Variants in CORIN observed in about 807,000 individuals in gnomAD.
CORIN encodes atrial natriuretic peptide-converting enzyme.
CORIN carries 117 observed loss-of-function variants against 125.3 expected under a neutral mutation model. The ratio of observed to expected loss-of-function variants is 0.93; its 90% CI spans 0.80 to 1.09. The LOEUF (loss-of-function observed/expected upper bound fraction) is 1.09, where lower values mean the gene tolerates loss of function less well. Among genes scored for constraint, CORIN ranks in the 50% least tolerant of loss-of-function variants. The probability of loss-of-function intolerance (pLI) is 0.00; values close to 1 mark genes in which losing one functional copy is unlikely to be tolerated. For synonymous variants in CORIN, 450 were observed against 466.4 expected (o/e 0.96, Z 0.45); for missense variants, 1,253 against 1,306.7 (o/e 0.96, Z 0.63).
At chr4:47,643,365 T>C (rs1560485889) in intron 14 of CORIN, 109 bp from the exon 15 acceptor site, 2 of 975,714 alleles carry the variant, frequency 2.0e-6, no homozygotes, top group East Asian at 2.6e-5. Flanking sequence ...GAAGAAAATA[T>C]GTGATCACTG....
At chr4:47,736,982 G>A (rs1011258539) in intron 5 of CORIN, among the ~76,000 whole-genome samples, 1 of 152,260 alleles carries the variant, frequency 6.6e-6, no homozygotes, top group Non-Finnish European at 1.5e-5. Flanking sequence ...ATTTGCCACA[G>A]AGGGCAGGAG....
intron 12 of CORIN, among the ~76,000 whole-genome samples, chr4:47,656,180 A>T (rs776048103): frequency 4.0e-4 from 51 of 126,282 alleles, no homozygotes; most frequent in Non-Finnish European, 7.3e-4. Context: ...TTTGAGATGG[A>T]GTTTCTCCCT....
At chr4:47,766,640 A>G (rs1279971087) in intron 3 of CORIN, among the ~76,000 whole-genome samples, 1 of 152,138 alleles carries the variant, frequency 6.6e-6, no homozygotes, top group East Asian at 1.9e-4. Flanking sequence ...AGGCATCATT[A>G]TACTCATTAT....
At chr4:47,823,881 G>A (rs1336445951) in intron 1 of CORIN, among the ~76,000 whole-genome samples, 1 of 152,072 alleles carries the variant, frequency 6.6e-6, no homozygotes. Context: ...CTCAGACCCT[G>A]AACCCCATCT....
chr4:47,599,367 A>G (rs1248782606), intron 21 of CORIN, among the ~76,000 whole-genome samples: 1 of 152,194 alleles, frequency 6.6e-6, no homozygotes, highest in African/African-American at 2.4e-5. Flanking sequence ...TCAAAAATAT[A>G]GTTTATTTAA....
chr4:47,762,873 C>T (rs1440274524), intron 4 of CORIN, among the ~76,000 whole-genome samples: 2 of 152,152 alleles, frequency 1.3e-5, no homozygotes, highest in Non-Finnish European at 2.9e-5. Flanking sequence ...TGGCCGTGCT[C>T]CTCTGCCTAG....
intron 5 of CORIN, among the ~76,000 whole-genome samples, chr4:47,717,502 T>C (rs972224296): frequency 6.6e-6 from 1 of 152,216 alleles, no homozygotes; most frequent in African/African-American, 2.4e-5. Context: ...TCCTTTTTCT[T>C]ACACTTCCAA....
At chr4:47,662,622 C>A (rs1724302892) in intron 11 of CORIN, among the ~76,000 whole-genome samples, 1 of 151,516 alleles carries the variant, frequency 6.6e-6, no homozygotes. Flanking sequence ...ATTAGTTACA[C>A]AGTTAAAAAA....
intron 16 of CORIN, among the ~76,000 whole-genome samples, chr4:47,633,258 C>T (rs1560481806): frequency 6.6e-6 from 1 of 151,752 alleles, no homozygotes. Context: ...AACTAATAAA[C>T]AAAACTAAAT....
intron 5 of CORIN, among the ~76,000 whole-genome samples, chr4:47,701,582 TA>T (rs1726294684): frequency 6.6e-6 from 1 of 152,194 alleles, no homozygotes; most frequent in African/African-American, 2.4e-5. Flanking sequence ...AGAGAGAATG[TA>T]AATAGAATTT....
chr4:47,725,333 T>C (rs1560521316), intron 5 of CORIN, among the ~76,000 whole-genome samples: 1 of 151,926 alleles, frequency 6.6e-6, no homozygotes. Flanking sequence ...TGTTGAGACA[T>C]AACACAGTGG....
At chr4:47,746,549 T>C (rs1259392468) in intron 4 of CORIN, among the ~76,000 whole-genome samples, 2 of 152,112 alleles carry the variant, frequency 1.3e-5, no homozygotes, top group Non-Finnish European at 2.9e-5. Context: ...ATCTTTTTTT[T>C]TTTTTCAAAT....
intron 19 of CORIN, among the ~76,000 whole-genome samples, chr4:47,622,312 G>T (rs1203483217): frequency 7.3e-5 from 11 of 150,082 alleles, no homozygotes; most frequent in Non-Finnish European, 1.5e-5. Context: ...ATAAACATAC[G>T]TGTGCATGTG....
At chr4:47,789,104 A>T (rs6836412) in intron 2 of CORIN, among the ~76,000 whole-genome samples, 1 of 151,858 alleles carries the variant, frequency 6.6e-6, no homozygotes. Context: ...GGAGTTCTAG[A>T]CCACCCTGAC....
intron 3 of CORIN, among the ~76,000 whole-genome samples, chr4:47,778,926 C>A (rs868852112): frequency 1.3e-5 from 2 of 152,136 alleles, no homozygotes; most frequent in South Asian, 2.1e-4. Context: ...TTTTTTTCCT[C>A]TACAGCAGGT....
At chr4:47,716,772 T>A (rs1727109840) in intron 5 of CORIN, among the ~76,000 whole-genome samples, 1 of 152,166 alleles carries the variant, frequency 6.6e-6, no homozygotes, top group Non-Finnish European at 1.5e-5. Flanking sequence ...GCATTTTATT[T>A]CTGTGCATCA....
chr4:47,822,051 T>C (rs1404535134), intron 1 of CORIN, among the ~76,000 whole-genome samples: 1 of 149,724 alleles, frequency 6.7e-6, no homozygotes, highest in African/African-American at 2.6e-5. Flanking sequence ...TACTAAATTG[T>C]TCACTACTTT....
chr4:47,809,916 C>T (rs192026238), intron 1 of CORIN, among the ~76,000 whole-genome samples: 32 of 152,242 alleles, frequency 2.1e-4, no homozygotes, highest in Non-Finnish European at 1.2e-4. Flanking sequence ...GAGTAAATGC[C>T]AGGTGAAATA....
At chr4:47,638,591 T>C (rs1723118663) in intron 16 of CORIN, among the ~76,000 whole-genome samples, 1 of 152,196 alleles carries the variant, frequency 6.6e-6, no homozygotes. Flanking sequence ...ACACAAGCTC[T>C]CTCTTTTTTG....
Sources: allele counts gnomAD v4.1 joint callset (sites outside exome capture counted in the v4.1 genomes callset), GRCh38; gene constraint gnomAD v4.1.1; transcripts MANE v1.5; gene names NCBI Gene and HGNC (gene_info 2026-07-23, HGNC 2026-07-21).